The following RUFY3 variants were observed in gnomAD, a reference collection of about 807,000 sequenced individuals.
RUFY3 encodes protein RUFY3.
RUFY3 carries 34 observed loss-of-function variants against 84.0 expected under a neutral mutation model. The observed-to-expected ratio is 0.40, with a 90% CI of 0.31 to 0.54. The LOEUF is 0.54. Among genes scored for constraint, RUFY3 ranks in the 20% least tolerant of loss-of-function variants. The probability of loss-of-function intolerance (pLI) is 0.39; values close to 1 mark genes in which losing one functional copy is unlikely to be tolerated. For synonymous variants in RUFY3, 242 were observed against 252.9 expected (o/e 0.96, Z 0.41); for missense variants, 507 against 736.8 (o/e 0.69, Z 3.61).
intron 1 of RUFY3, chr4:70,741,488 T>A (rs1313401563): frequency 3.5e-6 from 2 of 573,192 alleles, no homozygotes; most frequent in Non-Finnish European, 5.8e-6. Flanking sequence ...TCACTGTTAA[T>A]CGCTGTGATA....
intron 1 of RUFY3, among the ~76,000 whole-genome samples, chr4:70,732,045 G>A (rs1719363236): frequency 6.6e-6 from 1 of 152,126 alleles, no homozygotes; most frequent in Non-Finnish European, 1.5e-5. Flanking sequence ...CTGTGCTTCA[G>A]TAAAATCCTG....
intron 1 of RUFY3, chr4:70,741,675 C>A: frequency 6.6e-7 from 1 of 1,517,040 alleles, no homozygotes. Context: ...CGCGATGATA[C>A]AGAAGGTGCG....
chr4:70,715,545 T>C (rs1452560836), intron 1 of RUFY3, among the ~76,000 whole-genome samples: 4 of 130,802 alleles, frequency 3.1e-5, no homozygotes, highest in Non-Finnish European at 4.6e-5. Flanking sequence ...TGAGCCGAGA[T>C]CGTGCCACTG....
chr4:70,806,456 C>A (rs1732859010), intron 17 of RUFY3, 60 bp from the exon 18 acceptor site: 2 of 1,588,148 alleles, frequency 1.3e-6, no homozygotes, highest in South Asian at 2.3e-5. Context: ...CTTTTTATAT[C>A]CCATGAATCC....
chr4:70,795,582 T>C (rs1026599633), intron 14 of RUFY3, among the ~76,000 whole-genome samples: 1 of 152,172 alleles, frequency 6.6e-6, no homozygotes, highest in Non-Finnish European at 1.5e-5. Flanking sequence ...AATTGCCTTC[T>C]GTGTGTACAT....
chr4:70,768,042 T>C (rs1726282917), intron 4 of RUFY3, among the ~76,000 whole-genome samples: 1 of 152,094 alleles, frequency 6.6e-6, no homozygotes, highest in South Asian at 2.1e-4. Flanking sequence ...ACTATGTTGC[T>C]CACTCTGGTC....
At chr4:70,727,742 G>A (rs888859307) in intron 1 of RUFY3, among the ~76,000 whole-genome samples, 3 of 149,286 alleles carry the variant, frequency 2.0e-5, no homozygotes, top group Non-Finnish European at 3.0e-5. Flanking sequence ...AGCCGAGATC[G>A]TGCCACTGCA....
At chr4:70,711,864 G>C (rs955050499) in intron 1 of RUFY3, among the ~76,000 whole-genome samples, 3 of 152,112 alleles carry the variant, frequency 2.0e-5, no homozygotes, top group Non-Finnish European at 2.9e-5. Context: ...TGTGAGCAGG[G>C]CTCCCTGAAC....
chr4:70,733,140 GAGAGAGA>G (rs1560464107), intron 1 of RUFY3, among the ~76,000 whole-genome samples: 2 of 88,370 alleles, frequency 2.3e-5, no homozygotes, highest in South Asian at 3.5e-4. Flanking sequence ...GAGGGAGGGA[GAGAGAGA>G]GAGAGAGAGA....
At chr4:70,794,323 G>C (rs1731237546) in intron 13 of RUFY3, among the ~76,000 whole-genome samples, 1 of 152,178 alleles carries the variant, frequency 6.6e-6, no homozygotes, top group Non-Finnish European at 1.5e-5. Flanking sequence ...GTTCATGCCT[G>C]TAATCCCAGC....
chr4:70,709,791 G>A lies in RUFY3; in HGVS notation c.358+4497G>A, dbSNP rs139727292. Among the ~76,000 whole-genome samples the A allele has an allele frequency of 4.8e-4, 73 of 152,186 alleles. 1 individual carries two copies. The highest frequency in any genetic ancestry group is 1.7e-3 in the African/African-American group (70 of 41,514). ...TTCTCCTTCCAACTCCCACAACTAC[G>A]GCAAACATTGTTCAAGGCAATGCTA... On this transcript the variant is annotated intron_variant, in intron 1 of 11. Transcript: ENST00000417478.
At chr4:70,736,237 TTTAG>T (rs1302514597) in intron 1 of RUFY3, among the ~76,000 whole-genome samples, 2 of 151,714 alleles carry the variant, frequency 1.3e-5, no homozygotes, top group Non-Finnish European at 2.9e-5. Flanking sequence ...TGAAAACAAC[TTTAG>T]TTATAGAGGT....
intron 1 of RUFY3, among the ~76,000 whole-genome samples, chr4:70,743,735 A>C (rs1711801243): frequency 6.6e-6 from 1 of 152,130 alleles, no homozygotes; most frequent in African/African-American, 2.4e-5. Context: ...ATTTCCAGTC[A>C]AGTGATATAT....
At chr4:70,729,732 A>G (rs1403960911) in intron 1 of RUFY3, among the ~76,000 whole-genome samples, 2 of 152,118 alleles carry the variant, frequency 1.3e-5, no homozygotes, top group Non-Finnish European at 2.9e-5. Flanking sequence ...ATACATTGCC[A>G]TTTTATTTTA....
chr4:70,793,724 T>C (rs1158705504), intron 12 of RUFY3, 61 bp from the exon 13 acceptor site: 2 of 1,612,544 alleles, frequency 1.2e-6, no homozygotes, highest in African/African-American at 2.7e-5. Flanking sequence ...GTTGTGAACT[T>C]GGTCTTCTTC....
intron 1 of RUFY3, among the ~76,000 whole-genome samples, chr4:70,710,719 G>GA (rs1444502329): frequency 6.6e-6 from 1 of 151,752 alleles, no homozygotes; most frequent in African/African-American, 2.4e-5. Flanking sequence ...GTCAGGAATT[G>GA]AACACATGTT....
At chr4:70,727,945 T>C (rs1056341632) in intron 1 of RUFY3, among the ~76,000 whole-genome samples, 5 of 152,186 alleles carry the variant, frequency 3.3e-5, no homozygotes, top group Non-Finnish European at 1.5e-5. Flanking sequence ...ATAACACGTT[T>C]ACCCTTAATA....
At chr4:70,779,802 G>A (rs1314602525) in intron 8 of RUFY3, among the ~76,000 whole-genome samples, 1 of 151,914 alleles carries the variant, frequency 6.6e-6, no homozygotes, top group Non-Finnish European at 1.5e-5. Flanking sequence ...CTGAACTGCT[G>A]AGCTCAAGTG....
chr4:70,746,567 CT>C (rs2148661334), intron 1 of RUFY3, among the ~76,000 whole-genome samples: 1 of 149,246 alleles, frequency 6.7e-6, no homozygotes, highest in Admixed American at 6.7e-5. Flanking sequence ...TAGCTAACAA[CT>C]TTTTTCCTTA....
Sources: allele counts gnomAD v4.1 joint callset (sites outside exome capture counted in the v4.1 genomes callset), GRCh38; gene constraint gnomAD v4.1.1; transcripts MANE v1.5; gene names NCBI Gene and HGNC (gene_info 2026-07-23, HGNC 2026-07-21).